The following ARHGAP20 variants were observed in gnomAD, a reference collection of about 807,000 sequenced individuals.
ARHGAP20 encodes Rho GTPase activating protein 20, also known as rho GTPase-activating protein 20.
ARHGAP20 carries 34 observed loss-of-function variants against 73.7 expected under a neutral mutation model. That is an observed-to-expected ratio of 0.46 (90% CI 0.35 to 0.61). The LOEUF (loss-of-function observed/expected upper bound fraction) is 0.61, where lower values mean the gene tolerates loss of function less well. Among genes scored for constraint, ARHGAP20 ranks in the 20% least tolerant of loss-of-function variants. ARHGAP20 has a pLI of 0.00. For synonymous variants in ARHGAP20, 523 were observed against 518.2 expected, an observed-to-expected ratio of 1.01 and a Z score of -0.13; for missense variants, 1,314 against 1,420.9, an observed-to-expected ratio of 0.92 and a Z score of 1.21.
chr11:110,649,394 G>A (rs66771586), intron 2 of ARHGAP20, among the ~76,000 whole-genome samples: 34,591 of 151,582 alleles, frequency 0.23, 3,950 homozygotes, highest in South Asian at 0.32. Flanking sequence ...ACAAAAAACA[G>A]AAATCCTCTA....
At chr11:110,698,507 G>C (rs1950380962) in intron 1 of ARHGAP20, among the ~76,000 whole-genome samples, 2 of 151,630 alleles carry the variant, frequency 1.3e-5, no homozygotes. Context: ...CCAGTTCTTT[G>C]TATGTTTGAT....
At chr11:110,585,000 TATGA>T (rs925860554) in intron 12 of ARHGAP20, among the ~76,000 whole-genome samples, 2 of 144,080 alleles carry the variant, frequency 1.4e-5, no homozygotes, top group African/African-American at 2.5e-5. Context: ...TATATGAATA[TATGA>T]ATATGTATGT....
intron 9 of ARHGAP20, among the ~76,000 whole-genome samples, chr11:110,601,625 T>C (rs1254450400): frequency 6.6e-6 from 1 of 152,202 alleles, no homozygotes; most frequent in African/African-American, 2.4e-5. Context: ...ATGGCTTTTA[T>C]ATTTTTAAAA....
intron 9 of ARHGAP20, among the ~76,000 whole-genome samples, chr11:110,598,982 C>G (rs1409788621): frequency 6.6e-6 from 1 of 151,998 alleles, no homozygotes; most frequent in African/African-American, 2.4e-5. Context: ...CTTGCCCTCC[C>G]AGGAGCTGCA....
intron 4 of ARHGAP20, among the ~76,000 whole-genome samples, chr11:110,621,380 G>C (rs1005654874): frequency 6.6e-6 from 1 of 151,718 alleles, no homozygotes; most frequent in Non-Finnish European, 1.5e-5. Flanking sequence ...TGTAATTCCA[G>C]TGACATGTAT....
intron 2 of ARHGAP20, among the ~76,000 whole-genome samples, chr11:110,658,488 C>T (rs982990224): frequency 4.6e-5 from 7 of 152,006 alleles, no homozygotes; most frequent in Admixed American, 1.3e-4. Context: ...AAAGTAGCTA[C>T]GAAGAAAGAC....
chr11:110,584,443 T>C (rs1947564229), intron 12 of ARHGAP20, among the ~76,000 whole-genome samples: 3 of 151,628 alleles, frequency 2.0e-5, no homozygotes, highest in South Asian at 4.2e-4. Context: ...AATAGAAACC[T>C]GCAACCTAGG....
chr11:110,591,116 A>T (rs1225222787), intron 10 of ARHGAP20, among the ~76,000 whole-genome samples: 1 of 152,176 alleles, frequency 6.6e-6, no homozygotes, highest in African/African-American at 2.4e-5. Context: ...ATAATGCATT[A>T]TATTCCTAAA....
intron 2 of ARHGAP20, among the ~76,000 whole-genome samples, chr11:110,641,934 A>T (rs1452555669): frequency 6.6e-6 from 1 of 152,036 alleles, no homozygotes. Flanking sequence ...ATGTGTAATG[A>T]TTACACTGTA....
chr11:110,673,202 A>G (rs567405956), intron 2 of ARHGAP20, among the ~76,000 whole-genome samples: 5 of 151,686 alleles, frequency 3.3e-5, no homozygotes, highest in South Asian at 4.1e-4. Context: ...ACCTAACAAT[A>G]TATGTTCAAA....
In ARHGAP20 at chr11:110,711,891, G is replaced by A. The variant is rs548699315; in HGVS notation, c.105+236C>T. ...CGGGAGGGAGGCTGCGAGGTCGCTCGAGGAGAGACTAAGGCTCTAGAAACG... is the reference window on the plus strand; with the variant it reads ...CGGGAGGGAGGCTGCGAGGTCGCTCAAGGAGAGACTAAGGCTCTAGAAACG... On this transcript the variant is annotated intron_variant, in intron 1 of 14. Transcript: ENST00000683387. 4.8e-4 allele frequency: 626 copies of A among 1,306,076 alleles called. 3 individuals carry two copies. The South Asian group carries it at 8.6e-3, about 18-fold the overall frequency. The allele number at this position is 1,306,076 out of a possible 1,614,324, so 80.9% of individuals were successfully genotyped here.
chr11:110,706,828 G>T (rs1454974801), intron 1 of ARHGAP20, among the ~76,000 whole-genome samples: 1 of 152,104 alleles, frequency 6.6e-6, no homozygotes, highest in African/African-American at 2.4e-5. Flanking sequence ...GACCCTCCCT[G>T]CCAACACAAT....
At position 110,579,815 on chromosome 11, in the gene ARHGAP20, C is replaced by G; in HGVS notation, c.3131G>C (p.Ser1044Thr). 6.2e-7 allele frequency: 1 copy of G among 1,614,112 alleles called. No individual in the cohort carries two copies. The highest frequency in any genetic ancestry group is 8.5e-7 in the Non-Finnish European group (1 of 1,180,020). The stretch of plus-strand genomic sequence containing the variant: ...CTTTTTGAGGGACCAGTTTTTCAAA[C>G]TGGCCACACCATTTCTCAACCATGT... Reference protein sequence around the residue: ...PSTWLRNGVASLKNWSLKKKA... With the variant: ...PSTWLRNGVATLKNWSLKKKA... The change falls in exon 15 of 15, where the codon AGT becomes ACT. Residue 1044 changes from serine to threonine, a missense_variant. Physicochemically the swap from Ser to Thr is moderately conservative, Grantham distance 58. Around this residue, in one of 3 missense-constraint regions of ARHGAP20, gnomAD observed 641 missense variants for 636.9 expected, o/e 1.01. Transcript: ENST00000683387.
Position 110,579,262 on chromosome 11 carries a change from T to C in ARHGAP20, c.*108A>G, listed in dbSNP as rs1947368115. On this transcript the variant is annotated 3_prime_UTR_variant, in exon 15 of 15. Coordinates refer to ENST00000683387, the MANE Select transcript of ARHGAP20 (RefSeq NM_001384657.1). ...TTGTCCTAAGTATTAGCAATGATAA[T>C]CCTTATGCTACCTCTCCCAGGTATC... 2.8e-6 allele frequency: 4 copies of C among 1,449,954 alleles called. No homozygotes were observed. The highest frequency in any genetic ancestry group is 2.7e-6 in the Non-Finnish European group (3 of 1,101,574). 89.8% of individuals were successfully genotyped at this position (1,449,954 alleles called of 1,614,324 possible).
chr11:110,614,746 A>G, intron 5 of ARHGAP20, 101 bp from the exon 6 acceptor site: 2 of 735,644 alleles, frequency 2.7e-6, no homozygotes, highest in Non-Finnish European at 4.4e-6. Context: ...TTTCCAATAT[A>G]CTTATATGCT....
chr11:110,640,049 C>T (rs1949048527), intron 2 of ARHGAP20, among the ~76,000 whole-genome samples: 1 of 152,118 alleles, frequency 6.6e-6, no homozygotes, highest in South Asian at 2.1e-4. Context: ...TTCCCACCAG[C>T]AATGCATAAG....
chr11:110,619,905 T>A (rs1340462389), intron 4 of ARHGAP20, among the ~76,000 whole-genome samples: 1 of 152,218 alleles, frequency 6.6e-6, no homozygotes, highest in African/African-American at 2.4e-5. Context: ...TTTTCCAAAG[T>A]AAAGCATGAA....
intron 2 of ARHGAP20, among the ~76,000 whole-genome samples, chr11:110,689,396 C>T (rs1350151729): frequency 6.6e-6 from 1 of 151,806 alleles, no homozygotes; most frequent in Non-Finnish European, 1.5e-5. Flanking sequence ...TTGTAACATT[C>T]CTTTGAACAT....
intron 2 of ARHGAP20, among the ~76,000 whole-genome samples, chr11:110,654,439 G>C (rs1333465802): frequency 1.3e-5 from 2 of 152,108 alleles, no homozygotes; most frequent in Non-Finnish European, 2.9e-5. Context: ...AATAACAAAT[G>C]TCTTAATTTC....
Sources: allele counts gnomAD v4.1 joint callset (sites outside exome capture counted in the v4.1 genomes callset), GRCh38; gene constraint gnomAD v4.1.1; regional missense constraint gnomAD v4.1.1; transcripts MANE v1.5; gene names NCBI Gene and HGNC (gene_info 2026-07-23, HGNC 2026-07-21).